Variants in PTPRD observed in about 807,000 individuals in gnomAD.
PTPRD encodes protein tyrosine phosphatase receptor type D.
Under a neutral mutation model 214.5 loss-of-function variants are expected in PTPRD, and 34 were observed. That is an observed-to-expected ratio of 0.16 (90% CI 0.12 to 0.21). The LOEUF is 0.21. Ranked by LOEUF, PTPRD falls within the 10% of genes least tolerant of loss-of-function variation. PTPRD has a pLI of 1.00. For synonymous variants in PTPRD, 1,128 were observed against 845.7 expected (o/e 1.33, Z -5.79); for missense variants, 2,545 against 2,398.7 (o/e 1.06, Z -1.27).
chr9:10,036,751 T>C (rs1487863072), intron 3 of PTPRD, among the ~76,000 whole-genome samples: 1 of 151,922 alleles, frequency 6.6e-6, no homozygotes, highest in Non-Finnish European at 1.5e-5. Flanking sequence ...ACCCCACTAA[T>C]TTTTGTATTT....
chr9:8,587,697 G>C (rs929936478), intron 14 of PTPRD, among the ~76,000 whole-genome samples: 1 of 152,122 alleles, frequency 6.6e-6, no homozygotes, highest in Admixed American at 6.5e-5. Flanking sequence ...TGACCTCAAC[G>C]GCCTTGGAAA....
intron 5 of PTPRD, among the ~76,000 whole-genome samples, chr9:9,917,100 C>CA (rs144853561): frequency 0.24 from 35,305 of 148,678 alleles, 4,774 homozygotes; most frequent in African/African-American, 0.38. Flanking sequence ...ATGTCTACAT[C>CA]AAAAAAAACT....
At chr9:8,364,516 G>C (rs1359536569) in intron 39 of PTPRD, among the ~76,000 whole-genome samples, 1 of 152,182 alleles carries the variant, frequency 6.6e-6, no homozygotes, top group East Asian at 1.9e-4. Flanking sequence ...ACACTAAAAA[G>C]CTCATGCTAC....
chr9:9,375,226 C>A (rs951756744), intron 9 of PTPRD, among the ~76,000 whole-genome samples: 1 of 152,036 alleles, frequency 6.6e-6, no homozygotes, highest in Non-Finnish European at 1.5e-5. Flanking sequence ...TCACAGTAGC[C>A]AAATGTGGAT....
chr9:8,440,003 G>A (rs1464570264), intron 34 of PTPRD, among the ~76,000 whole-genome samples: 1 of 131,714 alleles, frequency 7.6e-6, no homozygotes, highest in East Asian at 2.3e-4. Flanking sequence ...TCAGGTCTGT[G>A]GATGTGGGAG....
chr9:9,914,296 C>T (rs1167383968), intron 5 of PTPRD, among the ~76,000 whole-genome samples: 1 of 152,220 alleles, frequency 6.6e-6, no homozygotes, highest in Non-Finnish European at 1.5e-5. Flanking sequence ...CCTGTGCCTG[C>T]AGTCAGCGTT....
intron 21 of PTPRD, among the ~76,000 whole-genome samples, chr9:8,513,522 C>G (rs937129971): frequency 2.0e-5 from 3 of 152,002 alleles, no homozygotes; most frequent in African/African-American, 7.2e-5. Flanking sequence ...CAGAAGACAT[C>G]AAAATGTACA....
At chr9:8,869,565 G>A (rs181867233) in intron 11 of PTPRD, among the ~76,000 whole-genome samples, 140 of 152,160 alleles carry the variant, frequency 9.2e-4, no homozygotes, top group African/African-American at 3.2e-3. Context: ...TTGTTGGCAA[G>A]CTTCTCAGGT....
intron 14 of PTPRD, among the ~76,000 whole-genome samples, chr9:8,614,535 T>C (rs970290029): frequency 2.0e-5 from 3 of 152,206 alleles, no homozygotes; most frequent in Non-Finnish European, 4.4e-5. Context: ...ATCACTTAAG[T>C]ACTCTTTAGG....
chr9:9,910,703 T>A (rs1458381816), intron 5 of PTPRD, among the ~76,000 whole-genome samples: 1 of 152,070 alleles, frequency 6.6e-6, no homozygotes, highest in Non-Finnish European at 1.5e-5. Context: ...ATTTTCTTAT[T>A]AATTACCATG....
intron 5 of PTPRD, among the ~76,000 whole-genome samples, chr9:9,794,030 C>T (rs563806215): frequency 1.3e-4 from 19 of 151,966 alleles, no homozygotes; most frequent in Admixed American, 2.6e-4. Flanking sequence ...TTGTCCTACG[C>T]GAGGCATTAA....
At chr9:8,914,830 G>T (rs550631614) in intron 11 of PTPRD, among the ~76,000 whole-genome samples, 53 of 152,252 alleles carry the variant, frequency 3.5e-4, no homozygotes, top group African/African-American at 1.3e-3. Context: ...ATAAAAAGCA[G>T]ACTAACATTT....
intron 11 of PTPRD, among the ~76,000 whole-genome samples, chr9:8,746,287 T>A (rs893391845): frequency 2.0e-5 from 3 of 152,040 alleles, no homozygotes; most frequent in African/African-American, 7.2e-5. Flanking sequence ...AAAGAAGAAA[T>A]GAAGATACAC....
chr9:8,788,606 G>T (rs1017049146), intron 11 of PTPRD, among the ~76,000 whole-genome samples: 4 of 152,022 alleles, frequency 2.6e-5, no homozygotes, highest in African/African-American at 9.7e-5. Flanking sequence ...GCCTAAAAAC[G>T]TTTCCCTTAA....
chr9:10,379,810 A>C (rs531366544), intron 2 of PTPRD, among the ~76,000 whole-genome samples: 1 of 152,092 alleles, frequency 6.6e-6, no homozygotes, highest in Non-Finnish European at 1.5e-5. Context: ...TTTCTCACAA[A>C]TGTGTGTAGA....
chr9:8,479,397 A>G (rs2096833569), intron 30 of PTPRD, among the ~76,000 whole-genome samples: 1 of 152,224 alleles, frequency 6.6e-6, no homozygotes, highest in Non-Finnish European at 1.5e-5. Context: ...ATTCATTCCT[A>G]GAAAACAAAA....
intron 5 of PTPRD, among the ~76,000 whole-genome samples, chr9:9,806,046 G>A (rs1447107938): frequency 6.6e-6 from 1 of 152,130 alleles, no homozygotes; most frequent in African/African-American, 2.4e-5. Context: ...TACATATAAA[G>A]GATTACTAAA....
At chr9:9,483,463 A>G (rs1463018048) in intron 8 of PTPRD, among the ~76,000 whole-genome samples, 1 of 152,156 alleles carries the variant, frequency 6.6e-6, no homozygotes, top group African/African-American at 2.4e-5. Flanking sequence ...GAGGTGAGGA[A>G]AAGCATGCAT....
In PTPRD at chr9:9,258,114, T is replaced by TAGATAGAC. The variant is rs1555116368; in HGVS notation, c.-202-74752_-202-74751insGTCTATCT. Among the ~76,000 whole-genome samples, 68 of 151,582 alleles carry TAGATAGAC rather than the reference T, an allele frequency of 4.5e-4. 1 individual carries two copies. Among genetic ancestry groups the TAGATAGAC allele is most frequent in the South Asian group, 2.5e-3 (12 of 4,786 alleles). ...AGAGATAGATAGATAGATAGATAGATAGACAGATAAACTGCATCAGGCTTC... is the reference window on the plus strand; with the variant it reads ...AGAGATAGATAGATAGATAGATAGATAGATAGACAGACAGATAAACTGCATCAGGCTTC... On this transcript the variant is annotated intron_variant, in intron 9 of 45. Transcript: ENST00000381196.
Sources: allele counts gnomAD v4.1 joint callset (sites outside exome capture counted in the v4.1 genomes callset), GRCh38; gene constraint gnomAD v4.1.1; transcripts MANE v1.5; gene names NCBI Gene and HGNC (gene_info 2026-07-23, HGNC 2026-07-21).